PRIM2: variants seen among roughly 807,000 people sequenced by gnomAD.
PRIM2 encodes DNA primase large subunit.
A neutral mutation model predicts 67.3 loss-of-function variants in PRIM2; 39 were observed. The ratio of observed to expected loss-of-function variants is 0.58; its 90% CI spans 0.45 to 0.76. The LOEUF is 0.76. Among genes scored for constraint, PRIM2 ranks in the 30% least tolerant of loss-of-function variants. The probability of loss-of-function intolerance (pLI) is 0.00; values close to 1 mark genes in which losing one functional copy is unlikely to be tolerated. For missense variants in PRIM2, 398 were observed against 598.7 expected (o/e 0.66, Z 3.50); for synonymous variants, 143 against 198.7 (o/e 0.72, Z 2.36).
chr6:57,455,537 G>A (rs1391267217), intron 7 of PRIM2, among the ~76,000 whole-genome samples: 8 of 152,200 alleles, frequency 5.3e-5, no homozygotes, highest in African/African-American at 1.7e-4. Flanking sequence ...TTACCATTAT[G>A]TAATGGCCTG....
At chr6:57,303,182 G>A in the PRIM2 span, among the ~76,000 whole-genome samples, 1 of 152,048 alleles carries the variant, frequency 6.6e-6, no homozygotes, top group African/African-American at 2.4e-5. Flanking sequence ...CAAGCCAAAT[G>A]ATAAAAACTA....
At chr6:57,402,424 G>C (rs112340561) in intron 7 of PRIM2, among the ~76,000 whole-genome samples, 1 of 152,086 alleles carries the variant, frequency 6.6e-6, no homozygotes, top group Non-Finnish European at 1.5e-5. Context: ...TCTTTGTAGT[G>C]GGGGGAGCTA....
At chr6:57,448,652 T>C (rs1347808601) in intron 7 of PRIM2, among the ~76,000 whole-genome samples, 2 of 151,960 alleles carry the variant, frequency 1.3e-5, no homozygotes, top group African/African-American at 4.8e-5. Context: ...AGGTCATAGG[T>C]GGGTTCAGAG....
intron 5 of PRIM2, among the ~76,000 whole-genome samples, chr6:57,339,055 C>A (rs1247773066): frequency 6.6e-6 from 1 of 151,922 alleles, no homozygotes; most frequent in Non-Finnish European, 1.5e-5. Flanking sequence ...TTCTTATACA[C>A]CAACAACAGA....
At chr6:57,596,013 A>T (rs1429022501) in intron 10 of PRIM2, among the ~76,000 whole-genome samples, 1,592 of 152,124 alleles carry the variant, frequency 0.01, 37 homozygotes, top group South Asian at 0.077. Context: ...CATTAGAACA[A>T]AAGACATTCT....
chr6:57,578,878 G>T (rs1207191035), intron 10 of PRIM2, among the ~76,000 whole-genome samples: 19 of 151,124 alleles, frequency 1.3e-4, no homozygotes, highest in Non-Finnish European at 2.7e-4. Context: ...GGGTTTCACC[G>T]TGTTAGCCAG....
intron 10 of PRIM2, among the ~76,000 whole-genome samples, chr6:57,551,757 G>A (rs1365852749): frequency 6.6e-6 from 1 of 152,142 alleles, no homozygotes; most frequent in Non-Finnish European, 1.5e-5. Flanking sequence ...ATATTACTTG[G>A]TGATTACTGC....
chr6:57,269,033 T>C, the PRIM2 span, among the ~76,000 whole-genome samples: 18 of 152,054 alleles, frequency 1.2e-4, no homozygotes, highest in Non-Finnish European at 2.1e-4. Flanking sequence ...CAGTCTATCA[T>C]TGTTGGACAT....
chr6:57,473,410 C>T (rs1773385738), intron 7 of PRIM2, among the ~76,000 whole-genome samples: 1 of 152,164 alleles, frequency 6.6e-6, no homozygotes, highest in African/African-American at 2.4e-5. Flanking sequence ...CTCAGTGGTT[C>T]TTAACCCCAG....
chr6:57,354,972 T>C (rs565428924), intron 5 of PRIM2, among the ~76,000 whole-genome samples: 64 of 152,354 alleles, frequency 4.2e-4, no homozygotes, highest in Middle Eastern at 6.8e-3. Flanking sequence ...GCAGAGGCAG[T>C]CTTGTCCATG....
intron 7 of PRIM2, among the ~76,000 whole-genome samples, chr6:57,488,774 C>T (rs1773810510): frequency 6.6e-6 from 1 of 152,198 alleles, no homozygotes; most frequent in Non-Finnish European, 1.5e-5. Context: ...AAGTCAGCTT[C>T]AGTAGTGAGT....
chr6:57,345,467 T>C (rs1768641239), intron 5 of PRIM2, among the ~76,000 whole-genome samples: 1 of 111,776 alleles, frequency 8.9e-6, no homozygotes, highest in African/African-American at 3.7e-5. Context: ...ATGCCTGATA[T>C]ATATATATGT....
At chr6:57,511,372 G>A (rs1774364174) in intron 8 of PRIM2, among the ~76,000 whole-genome samples, 2 of 152,160 alleles carry the variant, frequency 1.3e-5, no homozygotes, top group Admixed American at 1.3e-4. Context: ...CCCGTTATGT[G>A]CTTAGAATTA....
intron 7 of PRIM2, among the ~76,000 whole-genome samples, chr6:57,483,199 C>T (rs1237794897): frequency 1.1e-4 from 17 of 152,098 alleles, no homozygotes; most frequent in East Asian, 1.9e-4. Flanking sequence ...TGAGCCACTG[C>T]GCCCGGATGA....
chr6:57,392,912 A>G (rs1489538124), intron 7 of PRIM2, among the ~76,000 whole-genome samples: 5 of 148,958 alleles, frequency 3.4e-5, no homozygotes, highest in Non-Finnish European at 7.4e-5. Context: ...TCCATTCCTG[A>G]GTTACTTCAC....
At chr6:57,576,997 C>T (rs1285210492) in intron 10 of PRIM2, among the ~76,000 whole-genome samples, 47 of 151,918 alleles carry the variant, frequency 3.1e-4, no homozygotes, top group African/African-American at 1.1e-3. Flanking sequence ...ATAGTAAATA[C>T]AAATGACTTT....
At chr6:57,349,156 C>T (rs1423711487) in intron 5 of PRIM2, among the ~76,000 whole-genome samples, 1 of 152,172 alleles carries the variant, frequency 6.6e-6, no homozygotes, top group Non-Finnish European at 1.5e-5. Flanking sequence ...TATAAATCAA[C>T]ACAAAATATT....
intron 7 of PRIM2, among the ~76,000 whole-genome samples, chr6:57,432,094 T>A (rs1189612451): frequency 6.6e-6 from 1 of 152,206 alleles, no homozygotes; most frequent in African/African-American, 2.4e-5. Context: ...TTTTTACATA[T>A]GAGATGAATG....
chr6:57,571,685 C>A (rs1236865331), intron 10 of PRIM2, among the ~76,000 whole-genome samples: 4 of 150,258 alleles, frequency 2.7e-5, no homozygotes, highest in Non-Finnish European at 4.4e-5. Context: ...AACAAAAAAA[C>A]ACAACAACAG....
Sources: gnomAD v4.1 joint callset for allele counts (sites outside exome capture counted in the v4.1 genomes callset) on GRCh38, gnomAD v4.1.1 for gene constraint, MANE v1.5 for transcripts, NCBI Gene and HGNC (gene_info 2026-07-23, HGNC 2026-07-21) for gene names.